MYOM2: variants seen among roughly 807,000 people sequenced by gnomAD.
MYOM2 encodes the protein myomesin 2.
In MYOM2, 254 loss-of-function variants were observed where a neutral mutation model predicts 187.6. The ratio of observed to expected loss-of-function variants is 1.35; its 90% confidence interval spans 1.22 to 1.50. The LOEUF is 1.50. Ranked by LOEUF, MYOM2 falls within the 40% of genes most tolerant of loss-of-function variation. The pLI is 0.00. For synonymous variants in MYOM2, 981 were observed against 753.8 expected, an observed-to-expected ratio of 1.30 and a Z score of -4.94; for missense variants, 2,796 against 1,924.0, an observed-to-expected ratio of 1.45 and a Z score of -8.48.
At position 2,069,445 on chromosome 8, in the gene MYOM2, A is replaced by C. The variant is rs1241259983; in HGVS notation, c.743-2A>C. ...TGCTGCACTCACTTTGCTGTCTTGC[A>C]GGGTTCCGGGGAGACGAGGAACCAT... On this transcript the variant is annotated splice_acceptor_variant, in intron 7 of 36. Coordinates refer to ENST00000262113, the MANE Select transcript of MYOM2 (RefSeq NM_003970.4). LOFTEE classifies it high-confidence loss of function. 13 of 1,614,108 alleles carry C rather than the reference A, an allele frequency of 8.1e-6. No homozygotes were observed. The highest frequency in any genetic ancestry group is 5.0e-5 in the Admixed American group (3 of 60,006).
intron 6 of MYOM2, among the ~76,000 whole-genome samples, chr8:2,061,189 G>A (rs560411342): frequency 6.8e-6 from 1 of 147,820 alleles, no homozygotes; most frequent in East Asian, 2.0e-4. Context: ...AGTGAGGGAG[G>A]GGGTCTCTGT....
At chr8:2,139,704 G>C (rs1045110240) in intron 32 of MYOM2, among the ~76,000 whole-genome samples, 1 of 152,084 alleles carries the variant, frequency 6.6e-6, no homozygotes, top group African/African-American at 2.4e-5. Flanking sequence ...CTCTTGGGTG[G>C]CCCTGGAGTC....
intron 32 of MYOM2, among the ~76,000 whole-genome samples, chr8:2,136,004 C>T (rs1798055972): frequency 6.6e-6 from 1 of 152,204 alleles, no homozygotes; most frequent in Non-Finnish European, 1.5e-5. Flanking sequence ...GCCAGGGTTG[C>T]AGACGCAGGG....
intron 13 of MYOM2, among the ~76,000 whole-genome samples, chr8:2,080,782 C>T (rs984787661): frequency 3.9e-5 from 6 of 152,206 alleles, no homozygotes; most frequent in African/African-American, 1.2e-4. Context: ...TGCTTGAGGC[C>T]GACGAGCCCG....
Position 2,078,719 on chromosome 8 carries a change from T to C in MYOM2, c.1263-15T>C, listed in dbSNP as rs1202521018. 8 of 1,613,740 alleles carry C rather than the reference T, an allele frequency of 5.0e-6. No individual in the cohort carries two copies. The highest frequency in any genetic ancestry group is 1.3e-5 in the African/African-American group (1 of 74,906). On this transcript the variant is annotated splice_polypyrimidine_tract_variant and intron_variant, in intron 11 of 36. Coordinates refer to ENST00000262113, the MANE Select transcript of MYOM2 (RefSeq NM_003970.4). ...ATTTGCTATTCTCTGTTGTTTTTCT[T>C]TTTTTAACTTGAAGATGTGAAGTAG...
chr8:2,102,719 A>C lies in MYOM2; in HGVS notation c.2672A>C (p.Asn891Thr). ...TATGTCTTCAGGGTCCGGGCAGTCA[A>C]TGCAAATGGCGTGGGGAAGCCCTCA... is the stretch of plus-strand genomic sequence containing the variant. Reference protein sequence around the residue: ...KTYVFRVRAVNANGVGKPSDT... With the variant: ...KTYVFRVRAVTANGVGKPSDT... The change falls in exon 21 of 37, where the codon AAT becomes ACT. Residue 891 changes from asparagine to threonine, a missense_variant. Transcript: ENST00000262113. 1 of 1,614,128 alleles carries C rather than the reference A, an allele frequency of 6.2e-7. No individual in the cohort carries two copies. The highest frequency in any genetic ancestry group is 1.1e-5 in the South Asian group (1 of 91,084).
At chr8:2,068,148 CG>C (rs752825635) in intron 6 of MYOM2, among the ~76,000 whole-genome samples, 2 of 149,978 alleles carry the variant, frequency 1.3e-5, no homozygotes, top group African/African-American at 4.9e-5. Context: ...GAGAGCATAC[CG>C]GGGGGCGGCA....
chr8:2,116,977 A>G lies in MYOM2; in HGVS notation c.3385+702A>G, dbSNP rs1047945682. ...ACGGGGTTTCACCGTGTTAACCAGG[A>G]TGGTCTCGATCTCCTGACCTCGTGA... On this transcript the variant is annotated intron_variant, in intron 27 of 36. Transcript: ENST00000262113. 7.2e-5 allele frequency among the ~76,000 whole-genome samples: 11 copies of G among 152,150 alleles called. No homozygotes were observed. In the South Asian group the frequency reaches 1.0e-3, roughly 14 times the overall value.
Position 2,073,322 on chromosome 8 carries a change from T to C in MYOM2, c.959-17T>C, listed in dbSNP as rs1209725235. 1.9e-6 allele frequency: 3 copies of C among 1,595,450 alleles called. No homozygotes were observed. The highest frequency in any genetic ancestry group is 2.7e-5 in the African/African-American group (2 of 74,162). On this transcript the variant is annotated splice_polypyrimidine_tract_variant and intron_variant, in intron 9 of 36. Coordinates refer to ENST00000262113, the MANE Select transcript of MYOM2 (RefSeq NM_003970.4). ...GGTGATTTTGGATGCAAACCTTCCG[T>C]GTTAACGCTCTTTCAGACGTGCTGT...
intron 8 of MYOM2, among the ~76,000 whole-genome samples, chr8:2,071,779 A>G (rs553108563): frequency 6.6e-4 from 101 of 152,118 alleles, no homozygotes; most frequent in Non-Finnish European, 1.1e-3. Flanking sequence ...GAAGCCTGAC[A>G]CTCAGCAGGC....
At chr8:2,136,695 G>A (rs769999658) in intron 32 of MYOM2, among the ~76,000 whole-genome samples, 4 of 152,130 alleles carry the variant, frequency 2.6e-5, no homozygotes, top group African/African-American at 9.7e-5. Flanking sequence ...TCAGGAGGCC[G>A]GTGGGACACA....
Position 2,079,621 on chromosome 8 carries a change from G to A in MYOM2, c.1516+8G>A, listed in dbSNP as rs1010072283. 5 of 1,613,868 alleles carry A rather than the reference G, an allele frequency of 3.1e-6. No homozygotes were observed. Among genetic ancestry groups the A allele is most frequent in the Non-Finnish European group, 4.2e-6 (5 of 1,179,780 alleles). On this transcript the variant is annotated splice_region_variant and intron_variant, in intron 13 of 36. Coordinates refer to ENST00000262113, the MANE Select transcript of MYOM2 (RefSeq NM_003970.4). The stretch of plus-strand genomic sequence containing the variant: ...ATCAGGATGACCTTGAAGGTAAGTA[G>A]CACCTCATCACCCCAGCTGCTCAGC...
chr8:2,124,305 C>T, intron 31 of MYOM2, 88 bp downstream of exon 31: 1 of 1,322,750 alleles, frequency 7.6e-7, no homozygotes, highest in Non-Finnish European at 1.1e-6. Flanking sequence ...CAAAAGAGGG[C>T]ACCATGGAGC....
intron 14 of MYOM2, among the ~76,000 whole-genome samples, chr8:2,085,660 ATCTCTGCGTGGCCCCACT>A (rs1819842477): frequency 1.6e-4 from 1 of 6,386 alleles, no homozygotes; most frequent in Non-Finnish European, 2.3e-4. Flanking sequence ...CACTGTCGTG[ATCTCTGCGTGGCCCCACT>A]GTCGTGATCT....
chr8:2,092,690 G>A (rs974659915), intron 16 of MYOM2, among the ~76,000 whole-genome samples, 170 bp downstream of exon 16: 1 of 152,166 alleles, frequency 6.6e-6, no homozygotes, highest in African/African-American at 2.4e-5. Flanking sequence ...CCACTTGGAT[G>A]AGCTAGTTAC....
intron 13 of MYOM2, among the ~76,000 whole-genome samples, chr8:2,084,667 A>C (rs543955509): frequency 6.6e-6 from 1 of 152,212 alleles, no homozygotes; most frequent in African/African-American, 2.4e-5. Context: ...TTCTAGCATA[A>C]GTTATTTGCA....
chr8:2,140,873 C>A lies in MYOM2; in HGVS notation c.3951C>A (p.Asp1317Glu), dbSNP rs568923144. Residue 1317 changes from aspartate to glutamate, a missense_variant, in exon 33 of 37, where the codon GAC (aspartate) becomes GAA (glutamate). By Grantham distance (45) the Asp-to-Glu change is conservative. Transcript: ENST00000262113. ...AAGACAACCATCAACGCTCCCTTGA[C>A]CTGTCCGGACAAGGTAAGAGAATTC... ...DGKDNHQRSL[D>E]LSGQAFDEAF... 5.6e-6 allele frequency: 9 copies of A among 1,613,522 alleles called. No individual in the cohort carries two copies. The highest frequency in any genetic ancestry group is 8.5e-7 in the Non-Finnish European group (1 of 1,179,632).
rs765189717 is a variant in MYOM2 at position 2,078,808 on chromosome 8, G to A, written c.1337G>A (p.Gly446Glu). Residue 446 changes from glycine (G) to glutamate (E), a missense_variant, in exon 12 of 37, where the codon GGG becomes GAG. By Grantham distance (98) the Gly-to-Glu change is moderately conservative. Transcript: ENST00000262113. ...PVKICKYPVTGLFEGRSYIFR... is the reference protein window; with the variant it reads ...PVKICKYPVTELFEGRSYIFR... ...AAAATCTGCAAATACCCGGTCACAG[G>A]GCTTTTTGAAGGAAGGTCTTACATA... 11 of 1,614,144 alleles carry A rather than the reference G, an allele frequency of 6.8e-6. No homozygotes were observed. The highest frequency in any genetic ancestry group is 1.3e-5 in the African/African-American group (1 of 75,032).
intron 27 of MYOM2, 66 bp downstream of exon 27, chr8:2,116,341 G>A: frequency 6.8e-7 from 1 of 1,472,504 alleles, no homozygotes; most frequent in South Asian, 1.3e-5. Flanking sequence ...TGGAGTATTT[G>A]TCAGAAGCAG....
Sources: gnomAD v4.1 joint callset for allele counts (sites outside exome capture counted in the v4.1 genomes callset) on GRCh38, gnomAD v4.1.1 for gene constraint, MANE v1.5 for transcripts, NCBI Gene and HGNC (gene_info 2026-07-23, HGNC 2026-07-21) for gene names.